C10orf143: variants seen among roughly 807,000 people sequenced by gnomAD.
The protein encoded by C10orf143 is chromosome 10 open reading frame 143, also known as uncharacterized protein C10orf143.
At chr10:130,109,884 G>C (rs541598303) in intron 1 of C10orf143, among the ~76,000 whole-genome samples, 3 of 152,234 alleles carry the variant, frequency 2.0e-5, no homozygotes, top group African/African-American at 7.2e-5. Context: ...TATGTTGGCT[G>C]CTCACTGCTG....
intron 1 of C10orf143, among the ~76,000 whole-genome samples, chr10:130,084,649 G>A (rs1451679736): frequency 2.1e-5 from 1 of 47,072 alleles, no homozygotes; most frequent in Non-Finnish European, 5.2e-5. Context: ...GTGTGCAGGT[G>A]ATACACACAC....
chr10:130,083,240 A>G (rs1319576560), intron 1 of C10orf143, among the ~76,000 whole-genome samples: 1 of 152,248 alleles, frequency 6.6e-6, no homozygotes, highest in Admixed American at 6.5e-5. Context: ...ATCATTTATC[A>G]TCAGAATGGC....
At chr10:130,107,975 C>A in intron 1 of C10orf143, 2 of 1,517,492 alleles carry the variant, frequency 1.3e-6, no homozygotes, top group South Asian at 1.1e-5. Flanking sequence ...TTTTAATATG[C>A]CTCCTTTGGA....
intron 3 of C10orf143, among the ~76,000 whole-genome samples, chr10:130,054,110 C>A (rs1055023977): frequency 2.6e-5 from 4 of 152,146 alleles, no homozygotes; most frequent in Admixed American, 1.3e-4. Flanking sequence ...CAGTGTTGTT[C>A]GCAGATCTCG....
chr10:130,071,416 T>C (rs905566571), intron 3 of C10orf143, among the ~76,000 whole-genome samples: 1 of 152,222 alleles, frequency 6.6e-6, no homozygotes, highest in Non-Finnish European at 1.5e-5. Flanking sequence ...GTTGAACACC[T>C]ATTTATATTT....
Position 130,064,107 on chromosome 10 carries a change from AG to A in C10orf143, c.*246del, listed in dbSNP as rs1357027900. On this transcript the variant is annotated 3_prime_UTR_variant, in exon 4 of 4. Coordinates refer to ENST00000637128, the MANE Select transcript of C10orf143 (RefSeq NM_001355042.2). ...CTCTCAACCAGGAACATTCGAAAGG[AG>A]GCTGTAGTACGTAGTAAGGATTTGG... 2.2e-5 allele frequency: 8 copies of A among 364,332 alleles called. No homozygotes were observed. The highest frequency in any genetic ancestry group is 1.7e-4 in the African/African-American group (8 of 47,890). The allele number at this position is 364,332 out of a possible 1,614,324, so 22.6% of individuals were successfully genotyped here.
chr10:130,076,350 T>A (rs533022171), intron 3 of C10orf143, among the ~76,000 whole-genome samples: 1 of 152,276 alleles, frequency 6.6e-6, no homozygotes, highest in African/African-American at 2.4e-5. Context: ...TGCCTCACGT[T>A]GGCTGGATTC....
chr10:130,107,332 C>G (rs778557845), intron 1 of C10orf143: 9 of 1,060,694 alleles, frequency 8.5e-6, no homozygotes, highest in Admixed American at 1.7e-5. Flanking sequence ...TGGAGACCTA[C>G]AGACAGCGAG....
intron 1 of C10orf143, among the ~76,000 whole-genome samples, chr10:130,102,361 A>C (rs1590035750): frequency 6.6e-6 from 1 of 152,216 alleles, no homozygotes; most frequent in East Asian, 1.9e-4. Context: ...GCTCACAGCA[A>C]CCTCTGCCTC....
chr10:130,055,952 T>TAAAAAAAAAAAAAAA (rs369284797), intron 3 of C10orf143, among the ~76,000 whole-genome samples: 112 of 65,796 alleles, frequency 1.7e-3, no homozygotes, highest in Non-Finnish European at 1.9e-3. Flanking sequence ...TCTCCAAAAG[T>TAAAAAAAAAAAAAAA]AAAAAAAAAA....
At chr10:130,102,833 T>C (rs1017723526) in intron 1 of C10orf143, among the ~76,000 whole-genome samples, 2 of 152,176 alleles carry the variant, frequency 1.3e-5, no homozygotes, top group African/African-American at 2.4e-5. Context: ...TTCTTTACCC[T>C]GAAATTGACT....
intron 1 of C10orf143, 56 bp from the exon 2 acceptor site, chr10:130,079,957 T>C (rs1303833704): frequency 2.5e-6 from 1 of 398,506 alleles, no homozygotes; most frequent in East Asian, 3.6e-5. Context: ...AACACTCTAA[T>C]TGAATTTGCT....
At chr10:130,110,024 T>C (rs1000953666) in intron 1 of C10orf143, among the ~76,000 whole-genome samples, 3 of 150,458 alleles carry the variant, frequency 2.0e-5, no homozygotes, top group African/African-American at 4.9e-5. Flanking sequence ...AGTACTTCTT[T>C]CAGTGCCCCT....
intron 1 of C10orf143, among the ~76,000 whole-genome samples, chr10:130,105,741 C>T (rs982713142): frequency 6.6e-6 from 1 of 152,058 alleles, no homozygotes; most frequent in African/African-American, 2.4e-5. Context: ...CCTCCCCCCC[C>T]AAACAAAACA....
chr10:130,072,028 G>A (rs750643142), intron 3 of C10orf143, among the ~76,000 whole-genome samples: 13 of 151,074 alleles, frequency 8.6e-5, no homozygotes, highest in Admixed American at 5.3e-4. Context: ...TTGATTTTGT[G>A]TGAGGCAGAG....
Position 130,100,422 on chromosome 10 carries a change from C to T in C10orf143, c.69+10282G>A, listed in dbSNP as rs758093354. Among the ~76,000 whole-genome samples the T allele has an allele frequency of 4.5e-4, 68 of 151,822 alleles. No individual in the cohort carries two copies. In the Middle Eastern group the frequency reaches 0.01, roughly 23 times the overall value. ...GTGCGTGCCTGTAGTCCCAGCTACTCGGGAGGCTGAGGCACGAGAATTGCT... is the reference window on the plus strand; with the variant it reads ...GTGCGTGCCTGTAGTCCCAGCTACTTGGGAGGCTGAGGCACGAGAATTGCT... On this transcript the variant is annotated intron_variant, in intron 1 of 3. Coordinates refer to ENST00000637128, the MANE Select transcript of C10orf143 (RefSeq NM_001355042.2).
At chr10:130,047,718 T>C (rs1285309646) in intron 3 of C10orf143, among the ~76,000 whole-genome samples, 1 of 152,216 alleles carries the variant, frequency 6.6e-6, no homozygotes, top group Non-Finnish European at 1.5e-5. Context: ...CCTAGCTCCC[T>C]GAGACATACT....
intron 3 of C10orf143, among the ~76,000 whole-genome samples, chr10:130,055,824 T>C (rs1434224442): frequency 3.3e-5 from 5 of 151,712 alleles, no homozygotes; most frequent in African/African-American, 1.2e-4. Flanking sequence ...TGCGGGCCTG[T>C]GGTCCCAGCT....
At chr10:130,069,697 A>C (rs965308352) in intron 3 of C10orf143, among the ~76,000 whole-genome samples, 8 of 152,136 alleles carry the variant, frequency 5.3e-5, no homozygotes, top group Non-Finnish European at 8.8e-5. Flanking sequence ...TGCAGCCTCC[A>C]ACTACTGGGC....
Sources: allele counts gnomAD v4.1 joint callset (sites outside exome capture counted in the v4.1 genomes callset), GRCh38; gene constraint gnomAD v4.1.1; transcripts MANE v1.5; gene names NCBI Gene and HGNC (gene_info 2026-07-23, HGNC 2026-07-21).